Variants in TATDN1 observed in about 807,000 individuals in gnomAD.
TATDN1 encodes the protein deoxyribonuclease TATDN1.
In TATDN1, 40 loss-of-function variants were observed where a neutral mutation model predicts 46.4. The ratio of observed to expected loss-of-function variants is 0.86; its 90% CI spans 0.67 to 1.12. The LOEUF is 1.12. TATDN1 is among the 50% of genes most tolerant of loss of function. TATDN1 has a pLI of 0.00. For missense variants in TATDN1, 326 were observed against 348.4 expected, an observed-to-expected ratio of 0.94 and a Z score of 0.51; for synonymous variants, 95 against 105.6, an observed-to-expected ratio of 0.90 and a Z score of 0.62.
intron 6 of TATDN1, among the ~76,000 whole-genome samples, chr8:124,514,088 G>C (rs1048057371): frequency 6.6e-6 from 1 of 152,190 alleles, no homozygotes; most frequent in African/African-American, 2.4e-5. Flanking sequence ...CTAAAAGAGA[G>C]AGTAGGTATC....
rs1344045582 is a variant in TATDN1, at chr8:124,490,771, G to C, written c.792-2075C>G. On this transcript the variant is annotated intron_variant, in intron 11 of 11. Coordinates refer to ENST00000276692, the MANE Select transcript of TATDN1 (RefSeq NM_032026.4). ...AGGTTTTTGTTTTTTTTTTTTGAGA[G>C]AGTCTTACACTGTGGCCCAAGCTGG... 6.0e-5 allele frequency among the ~76,000 whole-genome samples: 9 copies of C among 149,776 alleles called. No individual in the cohort carries two copies. The East Asian group carries it at 1.8e-3, about 29-fold the overall frequency.
chr8:124,513,912 G>A (rs1412213005), intron 6 of TATDN1, among the ~76,000 whole-genome samples: 1 of 152,156 alleles, frequency 6.6e-6, no homozygotes, highest in East Asian at 1.9e-4. Context: ...ATGTGAACAC[G>A]AGAACTTTTA....
chr8:124,507,650 G>A (rs765887859), intron 8 of TATDN1, among the ~76,000 whole-genome samples: 1 of 152,046 alleles, frequency 6.6e-6, no homozygotes, highest in Non-Finnish European at 1.5e-5. Flanking sequence ...TGGCCATGGT[G>A]GCACATGCCT....
chr8:124,498,440 A>G (rs916773554), intron 9 of TATDN1, among the ~76,000 whole-genome samples: 1 of 112,488 alleles, frequency 8.9e-6, no homozygotes, highest in Non-Finnish European at 1.7e-5. Flanking sequence ...CCCTGTGTAA[A>G]TGTTTACTGC....
intron 8 of TATDN1, among the ~76,000 whole-genome samples, chr8:124,507,864 G>T (rs573191973): frequency 6.6e-6 from 1 of 151,276 alleles, no homozygotes; most frequent in Non-Finnish European, 1.5e-5. Context: ...AATTCTGTAC[G>T]CATTCTTGTA....
intron 4 of TATDN1, among the ~76,000 whole-genome samples, chr8:124,517,425 CAAAAAAA>C (rs540696612): frequency 1.5e-5 from 1 of 67,190 alleles, no homozygotes; most frequent in Non-Finnish European, 2.9e-5. Context: ...AAGACTGTCT[CAAAAAAA>C]AAAAAAAAAA....
At chr8:124,519,207 C>A (rs555797292) in intron 3 of TATDN1, among the ~76,000 whole-genome samples, 23 of 152,316 alleles carry the variant, frequency 1.5e-4, no homozygotes, top group African/African-American at 5.5e-4. Context: ...GCGTGAATAA[C>A]GAAATCAATG....
intron 10 of TATDN1, chr8:124,495,121 GACA>G: frequency 3.5e-6 from 1 of 285,992 alleles, no homozygotes; most frequent in South Asian, 4.1e-5. Flanking sequence ...CCATTATAAA[GACA>G]CTGTGTAAAC....
At chr8:124,532,547 G>A (rs1436006860) in intron 1 of TATDN1, among the ~76,000 whole-genome samples, 1 of 152,234 alleles carries the variant, frequency 6.6e-6, no homozygotes, top group Non-Finnish European at 1.5e-5. Context: ...GCTTCCCAAA[G>A]TGCTAGGATT....
chr8:124,503,785 TCA>T (rs1491181572), intron 9 of TATDN1: 3 of 578,520 alleles, frequency 5.2e-6, no homozygotes, highest in African/African-American at 1.9e-5. Flanking sequence ...AGCAGAAAGA[TCA>T]CAGAGTGAGA....
At chr8:124,511,062 A>T (rs985419996) in intron 6 of TATDN1, among the ~76,000 whole-genome samples, 1 of 152,238 alleles carries the variant, frequency 6.6e-6, no homozygotes, top group African/African-American at 2.4e-5. Flanking sequence ...TGTATAAGTT[A>T]CAGGGTAGGA....
chr8:124,521,602 G>A (rs940517282), intron 3 of TATDN1: 5 of 152,256 alleles, frequency 3.3e-5, no homozygotes, highest in Non-Finnish European at 7.3e-5. Context: ...TGGTAGCATA[G>A]TATGGAATTT....
At chr8:124,522,875 C>T (rs536665798) in intron 2 of TATDN1, 62 bp downstream of exon 2, 100 of 1,397,098 alleles carry the variant, frequency 7.2e-5, no homozygotes, top group Non-Finnish European at 9.9e-5. Context: ...TTTTCAAGAT[C>T]TCCTGAGGCA....
chr8:124,516,913 T>C (rs1050400927), intron 4 of TATDN1, among the ~76,000 whole-genome samples: 2 of 152,152 alleles, frequency 1.3e-5, no homozygotes, highest in Non-Finnish European at 2.9e-5. Context: ...GGGAAAGGTA[T>C]CAAGCTTTCC....
At chr8:124,524,056 C>T (rs1820279076) in intron 1 of TATDN1, among the ~76,000 whole-genome samples, 1 of 152,160 alleles carries the variant, frequency 6.6e-6, no homozygotes, top group African/African-American at 2.4e-5. Flanking sequence ...TGGTAGGCAG[C>T]TGATTACCAA....
In TATDN1 at chr8:124,496,296, C is replaced by T. The variant is rs184343678; in HGVS notation, c.594-754G>A. On this transcript the variant is annotated intron_variant, in intron 9 of 11. Transcript: ENST00000276692. ...ATGCTCCCACTCTCAAAATTCTACA[C>T]CATAGTGGTAGGTACGTTTATCATT... 1.1e-4 allele frequency among the ~76,000 whole-genome samples: 16 copies of T among 152,308 alleles called. No individual in the cohort carries two copies. The East Asian group carries it at 3.1e-3, about 29-fold the overall frequency.
chr8:124,495,523 T>C lies in TATDN1; in HGVS notation c.613A>G (p.Asn205Asp). The change falls in exon 10 of 12, where the codon AAT becomes GAT. Residue 205 changes from asparagine to aspartate, a missense_variant. Transcript: ENST00000276692. ...GGAATTGACTTCAAAACTTCCAAAT[T>C]AGCTTCAGTTTTCAGTGAGCTTAAA... ...FNGCSLKTEA[N>D]LEVLKSIPSE... 1 of 1,604,692 alleles carries C rather than the reference T, an allele frequency of 6.2e-7. No homozygotes were observed. Among genetic ancestry groups the C allele is most frequent in the South Asian group, 1.1e-5 (1 of 88,532 alleles).
chr8:124,503,796 G>A (rs1392292108), intron 9 of TATDN1: 35 of 658,614 alleles, frequency 5.3e-5, no homozygotes, highest in Non-Finnish European at 8.5e-5. Flanking sequence ...CACAGAGTGA[G>A]AAGCCAGAGG....
At chr8:124,511,850 T>C (rs1038024983) in intron 6 of TATDN1, among the ~76,000 whole-genome samples, 1 of 152,206 alleles carries the variant, frequency 6.6e-6, no homozygotes, top group Admixed American at 6.5e-5. Context: ...CATGTCACTA[T>C]GGGCTTTATG....
Sources: gnomAD v4.1 joint callset for allele counts (sites outside exome capture counted in the v4.1 genomes callset) on GRCh38, gnomAD v4.1.1 for gene constraint, MANE v1.5 for transcripts, NCBI Gene and HGNC (gene_info 2026-07-23, HGNC 2026-07-21) for gene names.